TRPC4: variants seen among roughly 807,000 people sequenced by gnomAD.
TRPC4 encodes the protein transient receptor potential cation channel subfamily C member 4, also known as short transient receptor potential channel 4.
Under a neutral mutation model 99.4 loss-of-function variants are expected in TRPC4, and 49 were observed. That is an observed-to-expected ratio of 0.49 (90% CI 0.39 to 0.63). The LOEUF (loss-of-function observed/expected upper bound fraction) is 0.63, where lower values mean the gene tolerates loss of function less well. TRPC4 is among the 20% of genes least tolerant of loss of function. The pLI, the probability that TRPC4 is intolerant of heterozygous loss-of-function variation, is 0.00. For synonymous variants in TRPC4, 454 were observed against 425.9 expected (o/e 1.07, Z -0.81); for missense variants, 898 against 1,152.9 (o/e 0.78, Z 3.20).
At chr13:37,823,951 G>A (rs372772522) in intron 1 of TRPC4, among the ~76,000 whole-genome samples, 2 of 145,196 alleles carry the variant, frequency 1.4e-5, no homozygotes, top group South Asian at 2.2e-4. Context: ...ATTTCATTGA[G>A]CAGTGGTTTG....
chr13:37,766,686 G>T (rs1956380780), intron 2 of TRPC4, among the ~76,000 whole-genome samples: 1 of 151,354 alleles, frequency 6.6e-6, no homozygotes, highest in Non-Finnish European at 1.5e-5. Flanking sequence ...ATGTGGCTGG[G>T]TCTTTTATTT....
chr13:37,860,860 CAA>C (rs753304396), intron 1 of TRPC4, among the ~76,000 whole-genome samples: 1 of 151,292 alleles, frequency 6.6e-6, no homozygotes, highest in Non-Finnish European at 1.5e-5. Flanking sequence ...ATTGAAGAAA[CAA>C]AGGGTATGTG....
intron 3 of TRPC4, among the ~76,000 whole-genome samples, chr13:37,696,239 C>A (rs1004387018): frequency 1.3e-5 from 2 of 152,074 alleles, no homozygotes; most frequent in Non-Finnish European, 2.9e-5. Flanking sequence ...CCCCATGATT[C>A]AATTATCTCC....
chr13:37,637,698 A>T, intron 10 of TRPC4, 73 bp from the exon 11 acceptor site: 1 of 1,416,720 alleles, frequency 7.1e-7, no homozygotes, highest in Non-Finnish European at 9.5e-7. Flanking sequence ...CGTCTCATAT[A>T]TGGGTCAGAA....
intron 1 of TRPC4, among the ~76,000 whole-genome samples, chr13:37,793,366 A>G (rs1197847923): frequency 6.6e-6 from 1 of 151,968 alleles, no homozygotes; most frequent in Non-Finnish European, 1.5e-5. Context: ...TACATGTGCC[A>G]TGTTGGTGTG....
rs193154438 is a variant in TRPC4, at chr13:37,864,455, G to A, written c.-28+5140C>T. ...TTTTTGTAACATAAGAAATAATATGGTACTCAATATATTGTATAAGTGCAA... is the reference window on the plus strand; with the variant it reads ...TTTTTGTAACATAAGAAATAATATGATACTCAATATATTGTATAAGTGCAA... On this transcript the variant is annotated intron_variant, in intron 1 of 10. Transcript: ENST00000379705. Among the ~76,000 whole-genome samples the A allele has an allele frequency of 8.5e-3, 1,296 of 151,594 alleles. 13 individuals carry two copies. The highest frequency in any genetic ancestry group is 0.03 in the African/African-American group (1,230 of 41,450).
At chr13:37,791,188 T>G (rs1957108172) in intron 1 of TRPC4, among the ~76,000 whole-genome samples, 1 of 151,654 alleles carries the variant, frequency 6.6e-6, no homozygotes, top group African/African-American at 2.4e-5. Flanking sequence ...GGTCAGGAGT[T>G]CAAGACCAGC....
chr13:37,868,423 T>G, intron 1 of TRPC4, among the ~76,000 whole-genome samples: 1 of 152,130 alleles, frequency 6.6e-6, no homozygotes, highest in Non-Finnish European at 1.5e-5. Context: ...TTCAACATTT[T>G]AACATCTCCA....
intron 3 of TRPC4, among the ~76,000 whole-genome samples, chr13:37,739,181 A>C (rs1955502742): frequency 1.3e-5 from 2 of 152,172 alleles, no homozygotes; most frequent in Non-Finnish European, 2.9e-5. Context: ...CCTGGGTATA[A>C]TATAAGGGAA....
Position 37,649,616 on chromosome 13 carries a change from C to T in TRPC4, c.2079+1649G>A, listed in dbSNP as rs555146134. 3.3e-5 allele frequency among the ~76,000 whole-genome samples: 5 copies of T among 151,620 alleles called. No individual in the cohort carries two copies. In the East Asian group the frequency reaches 9.8e-4, roughly 30 times the overall value. On this transcript the variant is annotated intron_variant, in intron 8 of 10. Transcript: ENST00000379705. ...GAGAGTGGTGGCAGGCGCCTGTAGT[C>T]CCAGCTACTCGGGAGGCTGAGGCAG...
intron 1 of TRPC4, among the ~76,000 whole-genome samples, chr13:37,805,880 T>A (rs924660283): frequency 2.0e-5 from 3 of 151,986 alleles, no homozygotes; most frequent in African/African-American, 7.2e-5. Context: ...TTGTGAAAAA[T>A]TCCACTGTTT....
intron 1 of TRPC4, among the ~76,000 whole-genome samples, chr13:37,797,579 A>G (rs1374513649): frequency 6.6e-6 from 1 of 152,118 alleles, no homozygotes; most frequent in South Asian, 2.1e-4. Context: ...TGAACTTTTA[A>G]TTTTTTCCTC....
intron 1 of TRPC4, among the ~76,000 whole-genome samples, chr13:37,862,290 G>A (rs1430566192): frequency 6.6e-6 from 1 of 151,456 alleles, no homozygotes; most frequent in African/African-American, 2.4e-5. Flanking sequence ...ACATGTGACT[G>A]TAACACCAAA....
chr13:37,837,005 C>A (rs1958584599), intron 1 of TRPC4, among the ~76,000 whole-genome samples: 1 of 152,198 alleles, frequency 6.6e-6, no homozygotes, highest in African/African-American at 2.4e-5. Flanking sequence ...ATGGGGCCAA[C>A]ATAGAGCTCA....
chr13:37,802,841 G>A (rs1957437991), intron 1 of TRPC4, among the ~76,000 whole-genome samples: 1 of 152,020 alleles, frequency 6.6e-6, no homozygotes, highest in South Asian at 2.1e-4. Context: ...ACTGATTTCG[G>A]TATACATCAG....
At chr13:37,810,891 AT>A (rs1593795428) in intron 1 of TRPC4, among the ~76,000 whole-genome samples, 2 of 152,100 alleles carry the variant, frequency 1.3e-5, no homozygotes, top group African/African-American at 4.8e-5. Context: ...TGATCTCGAA[AT>A]TTTTTGTACT....
At chr13:37,711,844 A>T (rs9548031) in intron 3 of TRPC4, among the ~76,000 whole-genome samples, 55,027 of 151,822 alleles carry the variant, frequency 0.36, 11,072 homozygotes, top group Middle Eastern at 0.5. Flanking sequence ...AAGAAAGTAG[A>T]AATAGGTAAA....
chr13:37,713,956 A>T (rs190357452), intron 3 of TRPC4, among the ~76,000 whole-genome samples: 18 of 152,124 alleles, frequency 1.2e-4, no homozygotes, highest in African/African-American at 4.3e-4. Flanking sequence ...GTTTATCCCT[A>T]TGCATTCCCT....
At chr13:37,702,091 C>G (rs1197244387) in intron 3 of TRPC4, among the ~76,000 whole-genome samples, 1 of 152,174 alleles carries the variant, frequency 6.6e-6, no homozygotes, top group Non-Finnish European at 1.5e-5. Flanking sequence ...TCAAGGCATT[C>G]CTTGGCCTGA....
Sources: allele counts gnomAD v4.1 joint callset (sites outside exome capture counted in the v4.1 genomes callset), GRCh38; gene constraint gnomAD v4.1.1; transcripts MANE v1.5; gene names NCBI Gene and HGNC (gene_info 2026-07-23, HGNC 2026-07-21).